The following ISX variants were observed in gnomAD, a reference collection of about 807,000 sequenced individuals.
ISX encodes intestine-specific homeobox.
A neutral mutation model predicts 16.9 loss-of-function variants in ISX; 15 were observed. The ratio of observed to expected loss-of-function variants is 0.89; its 90% CI spans 0.59 to 1.36. ISX has a LOEUF of 1.36. Ranked by LOEUF, ISX falls within the 40% of genes most tolerant of loss-of-function variation. The pLI, the probability that ISX is intolerant of heterozygous loss-of-function variation, is 0.00. For synonymous variants in ISX, 125 were observed against 119.7 expected (o/e 1.04, Z -0.29); for missense variants, 316 against 306.1 (o/e 1.03, Z -0.24).
In ISX at chr22:35,067,144, G is replaced by T; in HGVS notation, c.57G>T (p.Gly19=). Residue 19 remains glycine (G), a synonymous_variant, in exon 2 of 5, where the codon GGG becomes GGT. Transcript: ENST00000404699. ...LCRGMERNSL[G]CCEAPKKLSL... is the part of the protein sequence containing the mutation. ...GGGGTATGGAGAGAAATAGCTTGGG[G>T]TGCTGTGAGGCCCCGAAGAAGCTGA... The T allele has an allele frequency of 6.2e-7, 1 of 1,614,102 alleles. No homozygotes were observed. The highest frequency in any genetic ancestry group is 8.5e-7 in the Non-Finnish European group (1 of 1,179,994).
At chr22:35,085,392 G>A (rs1929226372) in intron 4 of ISX, 62 bp from the exon 5 acceptor site, 8 of 1,601,590 alleles carry the variant, frequency 5.0e-6, no homozygotes, top group African/African-American at 1.3e-5. Context: ...GGAGGGAAAC[G>A]CTGAGAAGCT....
rs181803035 is a variant in ISX at position 35,067,174 on chromosome 22, G to A, written c.87G>A (p.Leu29=). The A allele has an allele frequency of 1.7e-5, 27 of 1,613,320 alleles. No individual in the cohort carries two copies. In the Admixed American group the frequency reaches 3.7e-4, roughly 22 times the overall value. Residue 29 remains leucine, a synonymous_variant, in exon 2 of 5, where the codon CTG becomes CTA. Coordinates refer to ENST00000404699, the MANE Select transcript of ISX (RefSeq NM_001303508.2). ...GCCEAPKKLS[L]SFSIEAILKR... is the part of the protein sequence containing the mutation. ...GTGAGGCCCCGAAGAAGCTGAGCCT[G>A]TCCTTCTCCATTGAGGCGATCCTAA... is the stretch of plus-strand genomic sequence containing the variant.
chr22:35,074,231 G>T (rs1390990463), intron 2 of ISX, among the ~76,000 whole-genome samples: 4 of 152,122 alleles, frequency 2.6e-5, no homozygotes, highest in Non-Finnish European at 2.9e-5. Context: ...ATGTTCAAAA[G>T]CCCCAGAGGA....
rs778772883 is a variant in ISX at position 35,082,716 on chromosome 22, C to T, written c.381+47C>T. The stretch of plus-strand genomic sequence containing the variant: ...CCCCCAGCCTCCATGCCCTTGGGAC[C>T]ATGTGTGAGACACAATATATCCAGG... On this transcript the variant is annotated intron_variant, in intron 3 of 4. Transcript: ENST00000404699. 8.7e-6 allele frequency: 14 copies of T among 1,601,168 alleles called. No homozygotes were observed. In the East Asian group the frequency reaches 2.9e-4, roughly 33 times the overall value.
In ISX at chr22:35,067,313, C is replaced by T. The variant is rs1180505642; in HGVS notation, c.226C>T (p.Gln76Ter). The T allele has an allele frequency of 6.4e-7, 1 of 1,559,784 alleles. No individual in the cohort carries two copies. Among genetic ancestry groups the T allele is most frequent in the Admixed American group, 1.9e-5 (1 of 52,368 alleles). Reference sequence around the variant, plus strand: ...AGAAAAGCCTCCAAAGGACCAGCCCCAGGGTAAGTGTCTTCTGATCATTTC... The same window carrying T: ...AGAAAAGCCTCCAAAGGACCAGCCCTAGGGTAAGTGTCTTCTGATCATTTC... ...GLEKPPKDQP[Q>*]EGRKSKRRVR... The change falls in exon 2 of 5, where the codon CAG becomes TAG. Residue 76 changes from glutamine (Q) to a stop codon, truncating the protein, a stop_gained. Coordinates refer to ENST00000404699, the MANE Select transcript of ISX (RefSeq NM_001303508.2). LOFTEE classifies it high-confidence loss of function.
At chr22:35,079,465 C>T (rs1929070322) in intron 2 of ISX, among the ~76,000 whole-genome samples, 1 of 152,154 alleles carries the variant, frequency 6.6e-6, no homozygotes, top group African/African-American at 2.4e-5. Context: ...CTCGGGGAGC[C>T]AGTTCCTCAG....
In ISX at chr22:35,086,052, G is replaced by A; in HGVS notation, c.*359G>A. On this transcript the variant is annotated 3_prime_UTR_variant, in exon 5 of 5. Transcript: ENST00000404699. ...CCCTCTCTGGACCTCATCTGTAAGAGGAGCCAGCTGGATAAGATGATTTCT... is the reference window on the plus strand; with the variant it reads ...CCCTCTCTGGACCTCATCTGTAAGAAGAGCCAGCTGGATAAGATGATTTCT... 3.1e-6 allele frequency: 1 copy of A among 327,308 alleles called. No individual in the cohort carries two copies. Among genetic ancestry groups the A allele is most frequent in the Non-Finnish European group, 5.8e-6 (1 of 171,048 alleles). 20.3% of individuals were successfully genotyped at this position (327,308 alleles called of 1,614,324 possible).
At chr22:35,080,669 G>A (rs372219787) in intron 2 of ISX, among the ~76,000 whole-genome samples, 1 of 152,198 alleles carries the variant, frequency 6.6e-6, no homozygotes, top group African/African-American at 2.4e-5. Flanking sequence ...CACTAGAGGG[G>A]TTTGATTCTC....
rs1929224546 is a variant in ISX at position 35,085,320 on chromosome 22, G to A, written c.499-134G>A. 3.6e-6 allele frequency: 4 copies of A among 1,100,912 alleles called. No individual in the cohort carries two copies. The Admixed American group carries it at 5.7e-5, about 16-fold the overall frequency. 68.2% of individuals were successfully genotyped at this position (1,100,912 alleles called of 1,614,324 possible). On this transcript the variant is annotated intron_variant, in intron 4 of 4. Transcript: ENST00000404699. The stretch of plus-strand genomic sequence containing the variant: ...CACAGGACTTTCAGAGCTAAACCCA[G>A]AAGGTCCTGAGCAAACCAGAACAAG...
At chr22:35,077,413 A>G (rs1055674665) in intron 2 of ISX, among the ~76,000 whole-genome samples, 2 of 152,020 alleles carry the variant, frequency 1.3e-5, no homozygotes, top group African/African-American at 4.8e-5. Context: ...GCTGACCTTC[A>G]TCATTCCTGA....
rs1929232794 is a variant in ISX at position 35,085,576 on chromosome 22, C to A, written c.621C>A (p.His207Gln). The change falls in exon 5 of 5, where the codon CAC (histidine) becomes CAA (glutamine). Residue 207 changes from histidine (H) to glutamine (Q), a missense_variant. By Grantham distance (24) the His-to-Gln change is conservative (BLOSUM62 0). Coordinates refer to ENST00000404699, the MANE Select transcript of ISX (RefSeq NM_001303508.2). ...CCTGGATCACCCTCCTCCCAGCGCA[C>A]CCATGGGAAACACAGCCTGTCCCAG... ...FPAWITLLPAHPWETQPVPGL... is the reference protein window; with the variant it reads ...FPAWITLLPAQPWETQPVPGL... 6.2e-7 allele frequency: 1 copy of A among 1,614,146 alleles called. No individual in the cohort carries two copies. The highest frequency in any genetic ancestry group is 1.7e-5 in the Admixed American group (1 of 60,004).
At chr22:35,080,033 T>C (rs1053204721) in intron 2 of ISX, among the ~76,000 whole-genome samples, 14 of 152,296 alleles carry the variant, frequency 9.2e-5, no homozygotes, top group African/African-American at 2.6e-4. Context: ...GGACCACTTT[T>C]CTGTCCTTAT....
chr22:35,066,972 C>T lies in ISX; in HGVS notation c.-116C>T, dbSNP rs1471137438. ...CCTGTTTGGATCATCTAACTGGAGG[C>T]TCTCTGTTCTTCACCTCCACGCGCC... On this transcript the variant is annotated 5_prime_UTR_variant, in exon 2 of 5. Transcript: ENST00000404699. 7 of 674,758 alleles carry T rather than the reference C, an allele frequency of 1.0e-5. No homozygotes were observed. The highest frequency in any genetic ancestry group is 1.9e-5 in the South Asian group (1 of 52,506). 41.8% of individuals were successfully genotyped at this position (674,758 alleles called of 1,614,324 possible). A position where few individuals can be genotyped will look rare whatever the true frequency, so the allele number is the denominator to read the frequency against.
chr22:35,084,584 C>T (rs1429660557), intron 4 of ISX, 85 bp downstream of exon 4: 19 of 836,816 alleles, frequency 2.3e-5, no homozygotes, highest in Non-Finnish European at 3.4e-5. Context: ...AGAAGCACCT[C>T]GGGGGCTCTG....
rs530648826 is a variant in ISX, at chr22:35,086,015, G to A, written c.*322G>A. The A allele has an allele frequency of 8.2e-5, 32 of 392,236 alleles. No individual in the cohort carries two copies. Among genetic ancestry groups the A allele is most frequent in the South Asian group, 7.5e-4 (32 of 42,588 alleles). The allele number at this position is 392,236 out of a possible 1,614,324, so 24.3% of individuals were successfully genotyped here. On this transcript the variant is annotated 3_prime_UTR_variant, in exon 5 of 5. Coordinates refer to ENST00000404699, the MANE Select transcript of ISX (RefSeq NM_001303508.2). ...CCTCTAACTTGCTGTGTGACCTCCA[G>A]CCGGTCACTCACCCTCTCTGGACCT...
chr22:35,085,346 T>A (rs1929225482), intron 4 of ISX, 108 bp from the exon 5 acceptor site: 34 of 1,350,528 alleles, frequency 2.5e-5, no homozygotes, highest in Non-Finnish European at 3.6e-5. Context: ...CCAGAACAAG[T>A]GGATCACACT....
intron 2 of ISX, among the ~76,000 whole-genome samples, chr22:35,072,078 T>TAC (rs745496955): frequency 7.2e-5 from 11 of 152,198 alleles, no homozygotes; most frequent in Non-Finnish European, 1.5e-4. Context: ...GATGTGGAGT[T>TAC]AAAAACAGGC....
rs1244992710 is a variant in ISX at position 35,067,258 on chromosome 22, C to T, written c.171C>T (p.Pro57=). 8.7e-6 allele frequency: 14 copies of T among 1,601,284 alleles called. No individual in the cohort carries two copies. Among genetic ancestry groups the T allele is most frequent in the Non-Finnish European group, 1.2e-5 (14 of 1,174,084 alleles). ...DRPEGPGEEG[P]GEAAASGSGL... The stretch of plus-strand genomic sequence containing the variant: ...CAGAAGGGCCAGGTGAAGAGGGCCC[C>T]GGAGAAGCTGCGGCCTCAGGCTCTG... Residue 57 remains proline (P), a synonymous_variant, in exon 2 of 5, where the codon CCC becomes CCT. Transcript: ENST00000404699.
At chr22:35,076,428 C>A (rs534079203) in intron 2 of ISX, among the ~76,000 whole-genome samples, 1 of 152,246 alleles carries the variant, frequency 6.6e-6, no homozygotes, top group Non-Finnish European at 1.5e-5. Context: ...GCACAGGGAG[C>A]CAAAGAAAGT....
Sources: allele counts gnomAD v4.1 joint callset (sites outside exome capture counted in the v4.1 genomes callset), GRCh38; gene constraint gnomAD v4.1.1; transcripts MANE v1.5; gene names NCBI Gene and HGNC (gene_info 2026-07-23, HGNC 2026-07-21).